Variants in ADAM7 observed in about 807,000 individuals in gnomAD.
The protein encoded by ADAM7 is disintegrin and metalloproteinase domain-containing protein 7.
In ADAM7, 97 loss-of-function variants were observed where a neutral mutation model predicts 102.9. The observed-to-expected ratio is 0.94, with a 90% CI of 0.80 to 1.12. ADAM7 has a LOEUF of 1.12. ADAM7 is among the 50% of genes most tolerant of loss of function. The pLI, the probability that ADAM7 is intolerant of heterozygous loss-of-function variation, is 0.00. For synonymous variants in ADAM7, 334 were observed against 304.4 expected (o/e 1.10, Z -1.01); for missense variants, 991 against 908.7 (o/e 1.09, Z -1.16).
At chr8:24,458,591 A>T (rs889986404) in intron 3 of ADAM7, among the ~76,000 whole-genome samples, 1 of 152,084 alleles carries the variant, frequency 6.6e-6, no homozygotes, top group African/African-American at 2.4e-5. Context: ...CCATCTTGTC[A>T]TCTGAAAATA....
chr8:24,452,140 G>A (rs1464058034), intron 3 of ADAM7, among the ~76,000 whole-genome samples: 2 of 151,426 alleles, frequency 1.3e-5, no homozygotes, highest in African/African-American at 4.8e-5. Flanking sequence ...ATTTGGGGTG[G>A]AGAGTTCTGT....
At chr8:24,469,611 A>G (rs1212402602) in intron 7 of ADAM7, among the ~76,000 whole-genome samples, 1 of 152,158 alleles carries the variant, frequency 6.6e-6, no homozygotes, top group Non-Finnish European at 1.5e-5. Context: ...GGAAGAGTCA[A>G]TCAACTTAAA....
chr8:24,495,041 G>A (rs551460881), intron 16 of ADAM7, among the ~76,000 whole-genome samples: 108 of 152,320 alleles, frequency 7.1e-4, no homozygotes, highest in African/African-American at 2.3e-3. Context: ...CCACAGCTCA[G>A]TGGTGATGAA....
rs370002414 is a variant in ADAM7, at chr8:24,492,011, G to A, written c.1465G>A (p.Gly489Arg). Residue 489 changes from glycine to arginine, a missense_variant, in exon 14 of 22, where the codon GGA (glycine) becomes AGA (arginine). By Grantham distance (125) the Gly-to-Arg change is moderately radical. Coordinates refer to ENST00000175238, the MANE Select transcript of ADAM7 (RefSeq NM_003817.4). ...TCCTAAGGACCAGTTCAGGGTCAAT[G>A]GATTTCCTTGCAAGAACTCAGAAGG... ...ACPKDQFRVNGFPCKNSEGYC... is the reference protein window; with the variant it reads ...ACPKDQFRVNRFPCKNSEGYC... 6.2e-7 allele frequency: 1 copy of A among 1,613,860 alleles called. No individual in the cohort carries two copies. The highest frequency in any genetic ancestry group is 1.3e-5 in the African/African-American group (1 of 74,900).
chr8:24,488,676 A>G (rs573778634), intron 11 of ADAM7, among the ~76,000 whole-genome samples: 3 of 152,302 alleles, frequency 2.0e-5, no homozygotes, highest in African/African-American at 4.8e-5. Context: ...GTTAAGAAGT[A>G]TATTACATTC....
chr8:24,481,753 C>T (rs535081237), intron 8 of ADAM7, among the ~76,000 whole-genome samples: 98 of 152,304 alleles, frequency 6.4e-4, no homozygotes, highest in African/African-American at 2.3e-3. Context: ...AGAATGAACA[C>T]TTGGCCTGAA....
At chr8:24,486,325 C>G (rs1820142977) in intron 10 of ADAM7, among the ~76,000 whole-genome samples, 1 of 152,184 alleles carries the variant, frequency 6.6e-6, no homozygotes, top group East Asian at 1.9e-4. Context: ...GCCAAGTTAA[C>G]CAATTCTTGC....
In ADAM7 at chr8:24,489,146, A is replaced by ATTCT; in HGVS notation, c.1092-12_1092-9dup. On this transcript the variant is annotated splice_polypyrimidine_tract_variant and intron_variant, in intron 11 of 21. Transcript: ENST00000175238. ...TATGATTAATCTTTATTTTTACCTC[A>ATTCT]TTCTATCTCTAGCATTCCTGCACTG... The ATTCT allele has an allele frequency of 6.3e-7, 1 of 1,599,446 alleles. No individual in the cohort carries two copies. Among genetic ancestry groups the ATTCT allele is most frequent in the Non-Finnish European group, 8.5e-7 (1 of 1,173,134 alleles).
At chr8:24,465,568 T>C in intron 4 of ADAM7, 131 bp from the exon 5 acceptor site, 1 of 486,240 alleles carries the variant, frequency 2.1e-6, no homozygotes, top group Admixed American at 4.0e-5. Flanking sequence ...AATGAATGAA[T>C]GCAGAACAAA....
chr8:24,481,358 C>T (rs181426691), intron 8 of ADAM7, among the ~76,000 whole-genome samples: 1 of 152,222 alleles, frequency 6.6e-6, no homozygotes, highest in Non-Finnish European at 1.5e-5. Context: ...GTTACATTGC[C>T]TAGTAACATT....
intron 16 of ADAM7, 86 bp downstream of exon 16, chr8:24,493,315 G>A: frequency 7.9e-7 from 1 of 1,265,256 alleles, no homozygotes; most frequent in Non-Finnish European, 1.0e-6. Flanking sequence ...CTTCCAAAGA[G>A]GTCTAGATAT....
chr8:24,452,330 G>T (rs1459924707), intron 3 of ADAM7, among the ~76,000 whole-genome samples: 2 of 149,558 alleles, frequency 1.3e-5, no homozygotes, highest in Admixed American at 6.7e-5. Context: ...GAATCTGGGT[G>T]CTCCTGTATT....
At chr8:24,464,092 C>G (rs1180057867) in intron 4 of ADAM7, 132 bp downstream of exon 4, 11 of 723,810 alleles carry the variant, frequency 1.5e-5, no homozygotes, top group Middle Eastern at 2.8e-4. Flanking sequence ...ATTGATTACT[C>G]TCACTGAAAA....
intron 16 of ADAM7, 139 bp from the exon 17 acceptor site, chr8:24,499,095 CTT>C (rs1404297296): frequency 4.8e-6 from 3 of 622,978 alleles, no homozygotes; most frequent in East Asian, 6.0e-5. Context: ...AATTACATAA[CTT>C]ATAATTAAAT....
chr8:24,455,711 T>C (rs1819007059), intron 3 of ADAM7, among the ~76,000 whole-genome samples: 1 of 152,214 alleles, frequency 6.6e-6, no homozygotes, highest in Admixed American at 6.5e-5. Context: ...CAGCCTAATA[T>C]AGGTTTACAC....
At chr8:24,456,754 A>G (rs1819050558) in intron 3 of ADAM7, among the ~76,000 whole-genome samples, 1 of 151,822 alleles carries the variant, frequency 6.6e-6, no homozygotes, top group African/African-American at 2.4e-5. Flanking sequence ...TGATATTGAG[A>G]TTCATTCATG....
chr8:24,446,015 A>G (rs1175067197), intron 2 of ADAM7, among the ~76,000 whole-genome samples: 1 of 152,142 alleles, frequency 6.6e-6, no homozygotes, highest in African/African-American at 2.4e-5. Flanking sequence ...TTCTCTGCCA[A>G]GCAGGGACTT....
At chr8:24,497,867 T>C (rs1000274285) in intron 16 of ADAM7, among the ~76,000 whole-genome samples, 7 of 152,100 alleles carry the variant, frequency 4.6e-5, no homozygotes, top group African/African-American at 1.7e-4. Flanking sequence ...AATACTTCTC[T>C]GCAACAAGTA....
At chr8:24,485,813 C>CT (rs1258188650) in intron 10 of ADAM7, among the ~76,000 whole-genome samples, 9 of 151,870 alleles carry the variant, frequency 5.9e-5, no homozygotes, top group Admixed American at 6.6e-5. Context: ...TGTTGACTCC[C>CT]TTTTTTTTAT....
Sources: allele counts gnomAD v4.1 joint callset (sites outside exome capture counted in the v4.1 genomes callset), GRCh38; gene constraint gnomAD v4.1.1; transcripts MANE v1.5; gene names NCBI Gene and HGNC (gene_info 2026-07-23, HGNC 2026-07-21).